Variants in LIN28B observed in about 807,000 individuals in gnomAD.
LIN28B encodes protein lin-28 homolog B.
Under a neutral mutation model 21.9 loss-of-function variants are expected in LIN28B, and 5 were observed. The observed-to-expected ratio is 0.23, with a 90% CI of 0.12 to 0.48. The LOEUF (loss-of-function observed/expected upper bound fraction) is 0.48, where lower values mean the gene tolerates loss of function less well. Ranked by LOEUF, LIN28B falls within the 20% of genes least tolerant of loss-of-function variation. The pLI is 0.98. For missense variants in LIN28B, 245 were observed against 310.5 expected, an observed-to-expected ratio of 0.79 and a Z score of 1.58; for synonymous variants, 109 against 111.3, an observed-to-expected ratio of 0.98 and a Z score of 0.13.
intron 3 of LIN28B, among the ~76,000 whole-genome samples, chr6:105,072,713 A>G (rs143391159): frequency 5.1e-4 from 78 of 152,338 alleles, no homozygotes; most frequent in African/African-American, 1.8e-3. Context: ...TAACTTTACT[A>G]AAATTGTTAT....
At chr6:104,949,605 AACTT>A (rs1424934068) in intron 2 of LIN28B, among the ~76,000 whole-genome samples, 7 of 152,166 alleles carry the variant, frequency 4.6e-5, no homozygotes, top group Non-Finnish European at 1.0e-4. Flanking sequence ...TAGTGTGTAA[AACTT>A]AGTTAAGGAA....
intron 2 of LIN28B, among the ~76,000 whole-genome samples, chr6:105,013,786 G>A (rs540175003): frequency 5.9e-5 from 9 of 151,772 alleles, no homozygotes; most frequent in Non-Finnish European, 1.3e-4. Flanking sequence ...AACTTAATCT[G>A]ATCTATTTTT....
At chr6:105,008,191 A>G (rs1582892445) in intron 2 of LIN28B, among the ~76,000 whole-genome samples, 2 of 152,222 alleles carry the variant, frequency 1.3e-5, no homozygotes, top group African/African-American at 4.8e-5. Context: ...ATGCTTTCCA[A>G]ACCACGAAGT....
intron 2 of LIN28B, among the ~76,000 whole-genome samples, chr6:104,988,569 A>ATTT (rs369912825): frequency 9.4e-5 from 12 of 127,130 alleles, no homozygotes; most frequent in South Asian, 2.6e-4. Flanking sequence ...GACTACCTAG[A>ATTT]TTTTTTTTTT....
In LIN28B at chr6:105,078,433, C is replaced by T; in HGVS notation, c.403C>T (p.Leu135Phe). ...TTGTAGATGCTACAACTGTGGTGGC[C>T]TTGATCATCATGCTAAGGAATGTAG... Reference protein sequence around the residue: ...KGDRCYNCGGLDHHAKECSLP... With the variant: ...KGDRCYNCGGFDHHAKECSLP... Residue 135 changes from leucine to phenylalanine, a missense_variant, in exon 4 of 4, where the codon CTT becomes TTT. Leu to Phe is a conservative substitution (Grantham distance 22, BLOSUM62 0). Transcript: ENST00000345080. The T allele has an allele frequency of 6.2e-7, 1 of 1,605,986 alleles. No homozygotes were observed. Among genetic ancestry groups the T allele is most frequent in the African/African-American group, 1.3e-5 (1 of 74,912 alleles).
upstream of LIN28B, among the ~76,000 whole-genome samples, chr6:104,953,629 T>C (rs1226534378): frequency 2.6e-5 from 4 of 151,928 alleles, no homozygotes; most frequent in Non-Finnish European, 5.9e-5. Context: ...AAGGGAAAAG[T>C]GACTGAGGAA....
intron 3 of LIN28B, among the ~76,000 whole-genome samples, chr6:105,043,498 T>A (rs1403324459): frequency 6.6e-6 from 1 of 151,686 alleles, no homozygotes; most frequent in Non-Finnish European, 1.5e-5. Context: ...AATGAAATCT[T>A]TTCCTCCTTT....
chr6:104,976,491 A>G (rs1247786273), intron 2 of LIN28B, among the ~76,000 whole-genome samples: 1 of 152,228 alleles, frequency 6.6e-6, no homozygotes, highest in African/African-American at 2.4e-5. Flanking sequence ...AAGTGTTAAG[A>G]TGACAAAGAT....
chr6:104,959,724 C>A (rs1434134022), intron 2 of LIN28B, among the ~76,000 whole-genome samples: 1 of 152,130 alleles, frequency 6.6e-6, no homozygotes, highest in East Asian at 1.9e-4. Context: ...TCTGTTTTTT[C>A]CCCTCTAAGA....
chr6:104,937,139 T>C (rs1406368109), intron 2 of LIN28B: 1 of 152,240 alleles, frequency 6.6e-6, no homozygotes, highest in Non-Finnish European at 1.5e-5. Context: ...CTAAACTCTA[T>C]TTTTCTTTCT....
chr6:105,024,100 T>G (rs1028680212), intron 2 of LIN28B, among the ~76,000 whole-genome samples: 1 of 152,090 alleles, frequency 6.6e-6, no homozygotes, highest in Non-Finnish European at 1.5e-5. Flanking sequence ...CTGATTCTTC[T>G]GCCTCAGCCT....
intron 3 of LIN28B, among the ~76,000 whole-genome samples, chr6:105,048,907 TTTC>T (rs1459274778): frequency 7.9e-5 from 12 of 152,202 alleles, no homozygotes; most frequent in African/African-American, 2.7e-4. Flanking sequence ...TCTTCTCTCT[TTTC>T]TTCTTTATTA....
intron 3 of LIN28B, among the ~76,000 whole-genome samples, chr6:105,043,383 A>G (rs1771682994): frequency 6.9e-6 from 1 of 145,262 alleles, no homozygotes; most frequent in South Asian, 2.2e-4. Flanking sequence ...GAAAACTAAA[A>G]CTATACAAAG....
chr6:105,010,165 G>A (rs1184067931), intron 2 of LIN28B, among the ~76,000 whole-genome samples: 2 of 151,812 alleles, frequency 1.3e-5, no homozygotes, highest in Non-Finnish European at 2.9e-5. Context: ...AGAGCAGCCT[G>A]GGCAACATGA....
chr6:105,030,838 C>T lies in LIN28B; in HGVS notation c.383+4356C>T, dbSNP rs184752605. Among the ~76,000 whole-genome samples the T allele has an allele frequency of 3.0e-4, 46 of 152,120 alleles. 1 individual carries two copies. In the East Asian group the frequency reaches 8.1e-3, roughly 27 times the overall value. On this transcript the variant is annotated intron_variant, in intron 3 of 3. Transcript: ENST00000345080. Reference sequence around the variant, plus strand: ...CTCGAATCCTGGACCTCAGGTGATTCGCCTGCCTCAGCCTCCCAAAGATTA... The same window carrying T: ...CTCGAATCCTGGACCTCAGGTGATTTGCCTGCCTCAGCCTCCCAAAGATTA...
chr6:104,944,643 A>T (rs952477605), intron 2 of LIN28B, among the ~76,000 whole-genome samples: 1 of 152,142 alleles, frequency 6.6e-6, no homozygotes, highest in Non-Finnish European at 1.5e-5. Context: ...TTACAATATT[A>T]CTGTGCTCTA....
chr6:104,986,166 A>G (rs954880808), intron 2 of LIN28B, among the ~76,000 whole-genome samples: 4 of 152,122 alleles, frequency 2.6e-5, no homozygotes, highest in African/African-American at 9.7e-5. Context: ...TGCTCTAGCC[A>G]TGTAAGATGT....
chr6:104,997,198 G>A lies in LIN28B; in HGVS notation c.199-29100G>A, dbSNP rs189604012. On this transcript the variant is annotated intron_variant, in intron 2 of 3. Coordinates refer to ENST00000345080, the MANE Select transcript of LIN28B (RefSeq NM_001004317.4). ...CGGGAGGCTGAGGCAGGAGAATGGCGTGGACCCGGGAGGCAGAGGTTGCAG... is the reference window on the plus strand; with the variant it reads ...CGGGAGGCTGAGGCAGGAGAATGGCATGGACCCGGGAGGCAGAGGTTGCAG... Among the ~76,000 whole-genome samples, 1,386 of 151,066 alleles carry A rather than the reference G, an allele frequency of 9.2e-3. 12 individuals are homozygous for A. The highest frequency in any genetic ancestry group is 0.014 in the Non-Finnish European group (942 of 67,740).
intron 3 of LIN28B, among the ~76,000 whole-genome samples, chr6:105,062,428 AAC>A (rs1772139767): frequency 6.6e-6 from 1 of 152,230 alleles, no homozygotes; most frequent in South Asian, 2.1e-4. Flanking sequence ...AGTCGTCAGC[AAC>A]AGTTACCATT....
Sources: gnomAD v4.1 joint callset for allele counts (sites outside exome capture counted in the v4.1 genomes callset) on GRCh38, gnomAD v4.1.1 for gene constraint, MANE v1.5 for transcripts, NCBI Gene and HGNC (gene_info 2026-07-23, HGNC 2026-07-21) for gene names.